The following LRRC4C variants were observed in gnomAD, a reference collection of about 807,000 sequenced individuals.
LRRC4C encodes the protein leucine rich repeat containing 4C, also known as leucine-rich repeat-containing protein 4C.
Under a neutral mutation model 33.6 loss-of-function variants are expected in LRRC4C, and 5 were observed. That is an observed-to-expected ratio of 0.15 (90% CI 0.08 to 0.31). LRRC4C has a LOEUF of 0.31. Ranked by LOEUF, LRRC4C falls within the 10% of genes least tolerant of loss-of-function variation. The pLI is 1.00. For synonymous variants in LRRC4C, 329 were observed against 302.0 expected (o/e 1.09, Z -0.93); for missense variants, 560 against 796.7 (o/e 0.70, Z 3.58).
At chr11:40,809,276 T>C (rs767689236) in intron 2 of LRRC4C, among the ~76,000 whole-genome samples, 1 of 152,180 alleles carries the variant, frequency 6.6e-6, no homozygotes, top group African/African-American at 2.4e-5. Flanking sequence ...ATGAACTGCA[T>C]AGAGATAAGC....
chr11:40,253,555 T>G (rs533687731), intron 4 of LRRC4C, among the ~76,000 whole-genome samples: 1 of 152,182 alleles, frequency 6.6e-6, no homozygotes. Context: ...CTAAATGAGA[T>G]AATCAATGGA....
At chr11:40,612,116 T>C (rs919785646) in intron 3 of LRRC4C, among the ~76,000 whole-genome samples, 1 of 151,856 alleles carries the variant, frequency 6.6e-6, no homozygotes, top group Non-Finnish European at 1.5e-5. Context: ...TTATTCATAA[T>C]ACCCAAGAGG....
intron 1 of LRRC4C, among the ~76,000 whole-genome samples, chr11:41,168,072 C>A (rs1475442266): frequency 6.6e-6 from 1 of 152,094 alleles, no homozygotes; most frequent in Non-Finnish European, 1.5e-5. Context: ...TTAGCTGTAT[C>A]TAGCATTCAT....
At chr11:40,253,902 G>T (rs1001750112) in intron 4 of LRRC4C, among the ~76,000 whole-genome samples, 2 of 152,240 alleles carry the variant, frequency 1.3e-5, no homozygotes, top group South Asian at 4.1e-4. Context: ...TACTGCTTAC[G>T]TTATGAAGAT....
chr11:40,668,810 G>A (rs987496163), intron 2 of LRRC4C, among the ~76,000 whole-genome samples: 3 of 152,008 alleles, frequency 2.0e-5, no homozygotes, highest in Non-Finnish European at 2.9e-5. Context: ...ATTTATATTC[G>A]TCCCAAAGCC....
At chr11:40,389,575 A>G (rs534246939) in intron 3 of LRRC4C, among the ~76,000 whole-genome samples, 2 of 152,290 alleles carry the variant, frequency 1.3e-5, no homozygotes, top group Admixed American at 6.5e-5. Context: ...TTCACCTTGT[A>G]AAAGAGAGAG....
At chr11:40,886,406 T>TACAC (rs10629266) in intron 2 of LRRC4C, among the ~76,000 whole-genome samples, 11,123 of 145,434 alleles carry the variant, frequency 0.076, 670 homozygotes, top group African/African-American at 0.16. Flanking sequence ...TTTCAAATGC[T>TACAC]ACACACACAC....
chr11:41,292,506 G>T (rs1284719791), intron 1 of LRRC4C, among the ~76,000 whole-genome samples: 1 of 151,918 alleles, frequency 6.6e-6, no homozygotes, highest in Non-Finnish European at 1.5e-5. Context: ...GTCAGGGGAG[G>T]TGGTAGAAAT....
In LRRC4C at chr11:40,277,001, A is replaced by G. The variant is rs1380878937; in HGVS notation, c.-175-35403T>C. On this transcript the variant is annotated intron_variant, in intron 4 of 6. Coordinates refer to ENST00000528697, the MANE Select transcript of LRRC4C (RefSeq NM_001258419.2). The stretch of plus-strand genomic sequence containing the variant: ...TCTCTTCCTGCCTCTCCCATGTACC[A>G]TCCTGGTAGGAAAAGGTAAAGAGTG... Among the ~76,000 whole-genome samples, 4 of 152,056 alleles carry G rather than the reference A, an allele frequency of 2.6e-5. No homozygotes were observed. In the East Asian group the frequency reaches 7.7e-4, roughly 29 times the overall value.
intron 3 of LRRC4C, among the ~76,000 whole-genome samples, chr11:40,504,641 G>A (rs1308890935): frequency 1.3e-5 from 2 of 152,084 alleles, no homozygotes; most frequent in Non-Finnish European, 2.9e-5. Context: ...TAGGACTCCA[G>A]GATATCTCAG....
intron 1 of LRRC4C, among the ~76,000 whole-genome samples, chr11:41,138,281 G>A (rs1279446974): frequency 6.6e-6 from 1 of 152,226 alleles, no homozygotes; most frequent in African/African-American, 2.4e-5. Context: ...TTGGATACAG[G>A]TAACGCAATT....
chr11:41,063,317 C>T (rs991259695), intron 1 of LRRC4C, among the ~76,000 whole-genome samples: 18 of 152,050 alleles, frequency 1.2e-4, no homozygotes, highest in African/African-American at 4.3e-4. Context: ...AGAACCTTGC[C>T]CTAGTTGAGC....
intron 6 of LRRC4C, among the ~76,000 whole-genome samples, chr11:40,139,576 A>C (rs369234516): frequency 9.2e-5 from 14 of 152,154 alleles, no homozygotes; most frequent in African/African-American, 3.4e-4. Context: ...AATGACATTC[A>C]TTAAAAGGGA....
intron 4 of LRRC4C, among the ~76,000 whole-genome samples, chr11:40,276,626 A>G (rs1943116875): frequency 6.6e-6 from 1 of 151,488 alleles, no homozygotes; most frequent in South Asian, 2.1e-4. Context: ...GCCCTTCAGG[A>G]GAAGTCATGT....
intron 1 of LRRC4C, among the ~76,000 whole-genome samples, chr11:41,272,703 C>A (rs1949360083): frequency 6.6e-6 from 1 of 152,110 alleles, no homozygotes; most frequent in Admixed American, 6.6e-5. Flanking sequence ...AAAATAAATG[C>A]TTTCTCCAGT....
At chr11:40,792,198 C>A (rs1426044949) in intron 2 of LRRC4C, among the ~76,000 whole-genome samples, 1 of 151,822 alleles carries the variant, frequency 6.6e-6, no homozygotes, top group African/African-American at 2.4e-5. Context: ...TGACATGTTT[C>A]ATTATTTTTG....
chr11:40,911,264 A>C (rs1414920358), intron 2 of LRRC4C, among the ~76,000 whole-genome samples: 1 of 152,202 alleles, frequency 6.6e-6, no homozygotes, highest in African/African-American at 2.4e-5. Flanking sequence ...AGGGTCCCTG[A>C]ACCCCGAGTA....
chr11:41,336,549 G>A (rs1228655405), intron 1 of LRRC4C, among the ~76,000 whole-genome samples: 1 of 152,130 alleles, frequency 6.6e-6, no homozygotes, highest in Non-Finnish European at 1.5e-5. Context: ...TGGATGTTTT[G>A]CATTGTTTGG....
Position 40,549,752 on chromosome 11 carries a change from A to G in LRRC4C, c.-270+98390T>C, listed in dbSNP as rs947874888. ...AACTAGTAAATTAAATACCATTGCT[A>G]AAGTAAATGTCAGAAGAAAAAAAGT... On this transcript the variant is annotated intron_variant, in intron 3 of 6. Coordinates refer to ENST00000528697, the MANE Select transcript of LRRC4C (RefSeq NM_001258419.2). 3.9e-5 allele frequency among the ~76,000 whole-genome samples: 6 copies of G among 152,296 alleles called. No individual in the cohort carries two copies. In the East Asian group the frequency reaches 1.2e-3, roughly 29 times the overall value.
Sources: gnomAD v4.1 joint callset for allele counts (sites outside exome capture counted in the v4.1 genomes callset) on GRCh38, gnomAD v4.1.1 for gene constraint, MANE v1.5 for transcripts, NCBI Gene and HGNC (gene_info 2026-07-23, HGNC 2026-07-21) for gene names.